The following CAAP1 variants were observed in gnomAD, a reference collection of about 807,000 sequenced individuals.
CAAP1 encodes caspase activity and apoptosis inhibitor 1.
CAAP1 carries 20 observed loss-of-function variants against 34.0 expected under a neutral mutation model. The observed-to-expected ratio is 0.59, with a 90% CI of 0.41 to 0.86. The LOEUF is 0.86. CAAP1 is among the 40% of genes least tolerant of loss of function. CAAP1 has a pLI of 0.00. For missense variants in CAAP1, 538 were observed against 450.5 expected (o/e 1.19, Z -1.76); for synonymous variants, 213 against 166.7 (o/e 1.28, Z -2.14).
Position 26,848,499 on chromosome 9 carries a change from G to C in CAAP1, c.740-5852C>G, listed in dbSNP as rs978373838. ...CCACTGCACTCCAGCCTGCGCGACA[G>C]AGCGAGACTCCATCTCAAAAAAAGA... is the stretch of plus-strand genomic sequence containing the variant. On this transcript the variant is annotated intron_variant, in intron 5 of 5. Transcript: ENST00000333916. Among the ~76,000 whole-genome samples the C allele has an allele frequency of 6.6e-5, 10 of 151,984 alleles. No homozygotes were observed. The East Asian group carries it at 1.9e-3, about 29-fold the overall frequency.
At chr9:26,874,721 T>A (rs983917714) in intron 4 of CAAP1, among the ~76,000 whole-genome samples, 13 of 152,172 alleles carry the variant, frequency 8.5e-5, no homozygotes, top group Admixed American at 8.5e-4. Flanking sequence ...CTAACAAAAA[T>A]TTCTTATGAC....
At chr9:26,869,164 A>G (rs938590622) in intron 4 of CAAP1, among the ~76,000 whole-genome samples, 6 of 152,106 alleles carry the variant, frequency 3.9e-5, no homozygotes, top group Admixed American at 6.5e-5. Flanking sequence ...CTACTTTTCT[A>G]TATGCTTGAT....
chr9:26,844,639 A>C (rs979295784), intron 5 of CAAP1, among the ~76,000 whole-genome samples: 15 of 152,228 alleles, frequency 9.9e-5, no homozygotes, highest in African/African-American at 3.6e-4. Context: ...ACTCAGGTTC[A>C]ATTTTCTGGT....
At chr9:26,851,505 T>C (rs753175668) in intron 5 of CAAP1, among the ~76,000 whole-genome samples, 3 of 152,134 alleles carry the variant, frequency 2.0e-5, no homozygotes, top group Non-Finnish European at 4.4e-5. Context: ...AAAAGCACAA[T>C]AGGGACTCCC....
Position 26,842,476 on chromosome 9 carries a change from T to G in CAAP1, c.911A>C (p.Glu304Ala). ...LEKDIEKSVN[E>A]ILGLAESSPN... ...GCTAGACTCTGCCAGTCCTAGAATC[T>G]CATTCACACTTTTCTCAATGTCTTT... The change falls in exon 6 of 6, where the codon GAG (glutamate) becomes GCG (alanine). Residue 304 changes from glutamate (E) to alanine (A), a missense_variant. By Grantham distance (107) the Glu-to-Ala change is moderately radical. This residue lies in a region of CAAP1 where 514 missense variants were observed against 408.4 expected (regional missense o/e 1.26). Transcript: ENST00000333916. The G allele has an allele frequency of 6.2e-7, 1 of 1,614,146 alleles. No individual in the cohort carries two copies. Among genetic ancestry groups the G allele is most frequent in the Non-Finnish European group, 8.5e-7 (1 of 1,180,024 alleles).
chr9:26,880,150 A>C, intron 4 of CAAP1: 1 of 225,746 alleles, frequency 4.4e-6, no homozygotes. Context: ...GTGGTTTCTT[A>C]AAAGGATGTT....
chr9:26,862,073 A>G (rs189113126), intron 4 of CAAP1, among the ~76,000 whole-genome samples: 1 of 152,182 alleles, frequency 6.6e-6, no homozygotes, highest in Non-Finnish European at 1.5e-5. Context: ...CTTTGCTGTT[A>G]ATTATGACAT....
At chr9:26,885,452 T>C (rs1823715677) in intron 3 of CAAP1, among the ~76,000 whole-genome samples, 1 of 152,190 alleles carries the variant, frequency 6.6e-6, no homozygotes, top group Admixed American at 6.5e-5. Flanking sequence ...ACTATGTACA[T>C]ATGTATATAT....
intron 5 of CAAP1, among the ~76,000 whole-genome samples, chr9:26,852,037 A>G (rs1205851652): frequency 6.6e-6 from 1 of 152,132 alleles, no homozygotes; most frequent in Non-Finnish European, 1.5e-5. Flanking sequence ...TAGATAATGT[A>G]AAATTATTTA....
chr9:26,871,824 G>T (rs1445357643), intron 4 of CAAP1, among the ~76,000 whole-genome samples: 2 of 148,650 alleles, frequency 1.3e-5, no homozygotes, highest in Non-Finnish European at 3.0e-5. Context: ...TGAGGCAGAA[G>T]AATCACTTGA....
chr9:26,892,254 C>T, intron 1 of CAAP1, 159 bp downstream of exon 1: 1 of 1,507,974 alleles, frequency 6.6e-7, no homozygotes, highest in South Asian at 1.3e-5. Flanking sequence ...GAGTGTGGGG[C>T]TCACCAGGAC....
chr9:26,850,933 G>T (rs988056398), intron 5 of CAAP1, among the ~76,000 whole-genome samples: 1 of 152,314 alleles, frequency 6.6e-6, no homozygotes, highest in African/African-American at 2.4e-5. Context: ...GTATTCTACT[G>T]AACCATTATT....
At chr9:26,867,964 G>C (rs899148837) in intron 4 of CAAP1, among the ~76,000 whole-genome samples, 5 of 152,164 alleles carry the variant, frequency 3.3e-5, no homozygotes, top group South Asian at 2.1e-4. Flanking sequence ...GAAAGAACAA[G>C]TATGGGAGGA....
At chr9:26,886,245 C>A in intron 2 of CAAP1, 57 bp from the exon 3 acceptor site, 1 of 837,548 alleles carries the variant, frequency 1.2e-6, no homozygotes, top group Non-Finnish European at 1.7e-6. Flanking sequence ...CCAATGTAAA[C>A]TGGAAAATTT....
intron 5 of CAAP1, among the ~76,000 whole-genome samples, chr9:26,844,584 G>T (rs1021339216): frequency 6.6e-6 from 1 of 152,150 alleles, no homozygotes; most frequent in Non-Finnish European, 1.5e-5. Context: ...TATAATGAGG[G>T]GGTGGAGAAG....
At chr9:26,883,584 T>C (rs1408058759) in intron 4 of CAAP1, among the ~76,000 whole-genome samples, 2 of 152,094 alleles carry the variant, frequency 1.3e-5, no homozygotes, top group African/African-American at 4.8e-5. Context: ...TTAAGCCTAA[T>C]GGCACCTCAA....
chr9:26,884,278 T>G (rs895215850), intron 4 of CAAP1, among the ~76,000 whole-genome samples: 3 of 152,210 alleles, frequency 2.0e-5, no homozygotes, highest in East Asian at 3.8e-4. Context: ...TGTAGCTTCT[T>G]GATTAGTCAG....
intron 4 of CAAP1, among the ~76,000 whole-genome samples, chr9:26,877,116 C>T (rs1025664370): frequency 1.3e-5 from 2 of 152,050 alleles, no homozygotes; most frequent in Non-Finnish European, 2.9e-5. Context: ...TGCACTCCGG[C>T]ATGGGCAAAA....
rs761402354 is a variant in CAAP1 at position 26,846,415 on chromosome 9, C to CAAA, written c.740-3771_740-3769dup. ...TGGGTGACAGAGCGAGACTCTGTCT[C>CAAA]AAAAAAAAAAAAAAAAAAAAAAAAG... On this transcript the variant is annotated intron_variant, in intron 5 of 5. Coordinates refer to ENST00000333916, the MANE Select transcript of CAAP1 (RefSeq NM_024828.4). 9.9e-3 allele frequency among the ~76,000 whole-genome samples: 590 copies of CAAA among 59,534 alleles called. 22 individuals carry two copies. Among genetic ancestry groups the CAAA allele is most frequent in the East Asian group, 0.086 (140 of 1,636 alleles). The allele number at this position is 59,534 out of a possible 152,430, so 39.1% of individuals were successfully genotyped here. A position where few individuals can be genotyped will look rare whatever the true frequency, so the allele number is the denominator to read the frequency against.
Sources: allele counts gnomAD v4.1 joint callset (sites outside exome capture counted in the v4.1 genomes callset), GRCh38; gene constraint gnomAD v4.1.1; regional missense constraint gnomAD v4.1.1; transcripts MANE v1.5; gene names NCBI Gene and HGNC (gene_info 2026-07-23, HGNC 2026-07-21).